Variants in CCDC110 observed in about 807,000 individuals in gnomAD.
CCDC110 encodes the protein coiled-coil domain-containing protein 110.
CCDC110 carries 70 observed loss-of-function variants against 77.1 expected under a neutral mutation model. That is an observed-to-expected ratio of 0.91 (90% confidence interval 0.75 to 1.11). The LOEUF (loss-of-function observed/expected upper bound fraction) is 1.11, where lower values mean the gene tolerates loss of function less well. CCDC110 is among the 50% of genes least tolerant of loss of function. The probability of loss-of-function intolerance (pLI) is 0.00; values close to 1 mark genes in which losing one functional copy is unlikely to be tolerated. For synonymous variants in CCDC110, 295 were observed against 312.5 expected (o/e 0.94, Z 0.59); for missense variants, 868 against 942.9 (o/e 0.92, Z 1.04).
intron 1 of CCDC110, chr4:185,471,377 A>AG (rs2095667293): frequency 2.0e-5 from 2 of 100,942 alleles, no homozygotes; most frequent in Non-Finnish European, 3.6e-5. Context: ...GATGGGGCGG[A>AG]GGGACGGCAT....
In CCDC110 at chr4:185,458,308, A is replaced by T. The variant is rs2095639279; in HGVS notation, c.2279T>A (p.Leu760Ter). The change falls in exon 6 of 7, where the codon TTG becomes TAG. Residue 760 changes from leucine to a stop codon, truncating the protein, a stop_gained. Coordinates refer to ENST00000307588, the MANE Select transcript of CCDC110 (RefSeq NM_152775.4). LOFTEE classifies it high-confidence loss of function. Reference protein sequence around the residue: ...VRSIENERDTLEFEMRHLQRE... With the variant: ...VRSIENERDT ...TTGAAGATGCCGCATCTCAAATTCC[A>T]AGGTATCCCTTTCATTTTCTATGCT... is the stretch of plus-strand genomic sequence containing the variant. 2 of 1,594,458 alleles carry T rather than the reference A, an allele frequency of 1.3e-6. No individual in the cohort carries two copies. The highest frequency in any genetic ancestry group is 1.7e-6 in the Non-Finnish European group (2 of 1,174,656).
chr4:185,445,375 T>A lies in CCDC110; in HGVS notation c.*127A>T. The A allele has an allele frequency of 1.2e-6, 1 of 813,830 alleles. No homozygotes were observed. The highest frequency in any genetic ancestry group is 2.0e-6 in the Non-Finnish European group (1 of 507,826). The allele number at this position is 813,830 out of a possible 1,614,324, so 50.4% of individuals were successfully genotyped here. A position where few individuals can be genotyped will look rare whatever the true frequency, so the allele number is the denominator to read the frequency against. On this transcript the variant is annotated 3_prime_UTR_variant, in exon 7 of 7. Transcript: ENST00000307588. ...GCACCAAACCATTCTGTGCATAATTTTTAAAGCAAATATATAGCGCCTCAT... is the reference window on the plus strand; with the variant it reads ...GCACCAAACCATTCTGTGCATAATTATTAAAGCAAATATATAGCGCCTCAT...
intron 6 of CCDC110, among the ~76,000 whole-genome samples, chr4:185,448,962 CTT>C (rs33915764): frequency 0.14 from 20,637 of 152,068 alleles, 1,938 homozygotes; most frequent in African/African-American, 0.27. Flanking sequence ...ATTGAAATCT[CTT>C]TCTTTTTATA....
chr4:185,462,577 T>C (rs2095648331), intron 4 of CCDC110, 66 bp downstream of exon 4: 2 of 1,225,342 alleles, frequency 1.6e-6, no homozygotes, highest in Admixed American at 1.7e-5. Context: ...CTAGTGACCA[T>C]CAGCTTAGAA....
Position 185,458,721 on chromosome 4 carries a change from C to A in CCDC110, c.1866G>T (p.Leu622Phe). The change falls in exon 6 of 7, where the codon TTG becomes TTT. Residue 622 changes from leucine (L) to phenylalanine (F), a missense_variant. Coordinates refer to ENST00000307588, the MANE Select transcript of CCDC110 (RefSeq NM_152775.4). ...EIIQLKEKER[L>F]AKTEQETLLQ... Reference sequence around the variant, plus strand: ...GAAGTGTCTCTTGTTCCGTTTTTGCCAATCTTTCTTTCTCTTTTAGCTGGA... The same window carrying A: ...GAAGTGTCTCTTGTTCCGTTTTTGCAAATCTTTCTTTCTCTTTTAGCTGGA... The A allele has an allele frequency of 6.2e-7, 1 of 1,603,686 alleles. No individual in the cohort carries two copies. Among genetic ancestry groups the A allele is most frequent in the Non-Finnish European group, 8.5e-7 (1 of 1,177,648 alleles).
Position 185,471,068 on chromosome 4 carries a change from G to GAC in CCDC110, c.11-20_11-19insGT. Reference sequence around the variant, plus strand: ...TGCTTTTCTGTAACAGAACCGTCCGGGGCTGTTCTGTCGCGGGTCGTGGCG... The same window carrying GAC: ...TGCTTTTCTGTAACAGAACCGTCCGGACGGCTGTTCTGTCGCGGGTCGTGGCG... On this transcript the variant is annotated intron_variant, in intron 1 of 6. Transcript: ENST00000307588. The GAC allele has an allele frequency of 1.3e-6, 2 of 1,503,038 alleles. No homozygotes were observed. The highest frequency in any genetic ancestry group is 2.2e-5 in the African/African-American group (1 of 46,476). 93.1% of individuals were successfully genotyped at this position (1,503,038 alleles called of 1,614,324 possible). A position where few individuals can be genotyped will look rare whatever the true frequency, so the allele number is the denominator to read the frequency against.
At position 185,458,125 on chromosome 4, in the gene CCDC110, C is replaced by T. The variant is rs781125209; in HGVS notation, c.2461+1G>A. On this transcript the variant is annotated splice_donor_variant, in intron 6 of 6. Coordinates refer to ENST00000307588, the MANE Select transcript of CCDC110 (RefSeq NM_152775.4). LOFTEE classifies it high-confidence loss of function. The stretch of plus-strand genomic sequence containing the variant: ...CTACTAATCTACCAGGACTTGCGTA[C>T]CTTTCAAATCCGAAGCCAAAGGCCT... 3 of 1,538,814 alleles carry T rather than the reference C, an allele frequency of 1.9e-6. No homozygotes were observed. The highest frequency in any genetic ancestry group is 2.6e-6 in the Non-Finnish European group (3 of 1,151,636).
At position 185,461,091 on chromosome 4, in the gene CCDC110, T is replaced by C; in HGVS notation, c.306A>G (p.Ser102=). The C allele has an allele frequency of 2.5e-6, 4 of 1,600,524 alleles. No homozygotes were observed. The highest frequency in any genetic ancestry group is 3.4e-6 in the Non-Finnish European group (4 of 1,172,594). Residue 102 remains serine, a synonymous_variant, in exon 5 of 7, where the codon TCA becomes TCG. Transcript: ENST00000307588. ...IIEVENPQFS[S]EKNLVFGTRI... ...GCGTGCCAAACACCAGATTTTTTTC[T>C]GAGCTAAATTGTGGGTTTTCTACTT... is the stretch of plus-strand genomic sequence containing the variant.
chr4:185,470,974 C>A lies in CCDC110; in HGVS notation c.86G>T (p.Gly29Val), dbSNP rs568885277. 7.4e-6 allele frequency: 12 copies of A among 1,610,988 alleles called. No homozygotes were observed. The highest frequency in any genetic ancestry group is 7.6e-6 in the Non-Finnish European group (9 of 1,179,338). Residue 29 changes from glycine to valine, a missense_variant, in exon 2 of 7, where the codon GGG (glycine) becomes GTG (valine). Physicochemically the swap from Gly to Val is moderately radical, Grantham distance 109. Coordinates refer to ENST00000307588, the MANE Select transcript of CCDC110 (RefSeq NM_152775.4). ...GTCACTGCAGCCACTTTCCTTCACC[C>A]CCTCCGAAGAATTTAGGATCTTGGA... The part of the protein sequence containing the change: ...SASKILNSSE[G>V]VKESGCSDTE...
At chr4:185,461,006 TGAAGTACCTACA>T (rs2095645196) in intron 5 of CCDC110, 31 bp downstream of exon 5, 10 of 995,594 alleles carry the variant, frequency 1.0e-5, no homozygotes, top group South Asian at 2.7e-5. Flanking sequence ...AGTCACGTTT[TGAAGTACCTACA>T]TATAGAAATG....
chr4:185,471,628 C>A (rs1455775760), intron 1 of CCDC110, 46 bp downstream of exon 1: 2 of 1,550,022 alleles, frequency 1.3e-6, no homozygotes, highest in Non-Finnish European at 1.7e-6. Context: ...CTGCTGCCCT[C>A]CGTTCCCGCG....
rs752750432 is a variant in CCDC110 at position 185,459,546 on chromosome 4, T to G, written c.1041A>C (p.Glu347Asp). Residue 347 changes from glutamate to aspartate, a missense_variant, in exon 6 of 7, where the codon GAA becomes GAC. Glu to Asp is a conservative substitution (Grantham distance 45). Transcript: ENST00000307588. ...CRKCKKLSKS[E>D]MHRGKKNEKN... ...TCTCATTTTTCTTTCCCCTGTGCATTTCACTCTTAGATAACTTTTTACATT... is the reference window on the plus strand; with the variant it reads ...TCTCATTTTTCTTTCCCCTGTGCATGTCACTCTTAGATAACTTTTTACATT... 15 of 1,613,050 alleles carry G rather than the reference T, an allele frequency of 9.3e-6. No homozygotes were observed. The highest frequency in any genetic ancestry group is 1.2e-5 in the Non-Finnish European group (14 of 1,179,532).
At chr4:185,457,712 T>C (rs1474729478) in intron 6 of CCDC110, 1 of 1,151,906 alleles carries the variant, frequency 8.7e-7, no homozygotes, top group Non-Finnish European at 1.2e-6. Flanking sequence ...TAAAATTATT[T>C]TGTGGGGGGA....
At chr4:185,452,015 T>C (rs1448169284) in intron 6 of CCDC110, among the ~76,000 whole-genome samples, 1 of 152,174 alleles carries the variant, frequency 6.6e-6, no homozygotes, top group Admixed American at 6.5e-5. Flanking sequence ...TAGTGAAATA[T>C]GTAAAACAAT....
In CCDC110 at chr4:185,459,092, C is replaced by A; in HGVS notation, c.1495G>T (p.Glu499Ter). The change falls in exon 6 of 7, where the codon GAA (glutamate) becomes TAA (stop). Residue 499 changes from glutamate (E) to a stop codon, truncating the protein, a stop_gained. Transcript: ENST00000307588. LOFTEE classifies it high-confidence loss of function. ...TIQSKLSKTE[E>*]YSKECLKEFK... is the part of the protein sequence containing the mutation. Reference sequence around the variant, plus strand: ...TCTTTAAGACACTCTTTGCTGTATTCTTCTGTTTTACTTAACTTAGACTGA... The same window carrying A: ...TCTTTAAGACACTCTTTGCTGTATTATTCTGTTTTACTTAACTTAGACTGA... 1 of 1,584,320 alleles carries A rather than the reference C, an allele frequency of 6.3e-7. No individual in the cohort carries two copies.
chr4:185,458,699 G>T lies in CCDC110; in HGVS notation c.1888C>A (p.Leu630Ile). ...TTAACTGTTTCTATTATTTGAAGAA[G>T]TGTCTCTTGTTCCGTTTTTGCCAAT... Reference protein sequence around the residue: ...ERLAKTEQETLLQIIETVKDE... With the variant: ...ERLAKTEQETILQIIETVKDE... The change falls in exon 6 of 7, where the codon CTT (leucine) becomes ATT (isoleucine). Residue 630 changes from leucine (L) to isoleucine (I), a missense_variant. Coordinates refer to ENST00000307588, the MANE Select transcript of CCDC110 (RefSeq NM_152775.4). 6.2e-7 allele frequency: 1 copy of T among 1,604,094 alleles called. No homozygotes were observed. Among genetic ancestry groups the T allele is most frequent in the Non-Finnish European group, 8.5e-7 (1 of 1,177,858 alleles).
chr4:185,461,833 C>G (rs1336115775), intron 4 of CCDC110, among the ~76,000 whole-genome samples: 1 of 152,128 alleles, frequency 6.6e-6, no homozygotes, highest in Non-Finnish European at 1.5e-5. Context: ...TGCGGTGGCT[C>G]ACGCCTGTAA....
chr4:185,457,831 A>G, intron 6 of CCDC110: 1 of 1,369,252 alleles, frequency 7.3e-7, no homozygotes. Flanking sequence ...GAAAAAAAAA[A>G]GAATTCTTTT....
chr4:185,455,713 T>C (rs927121823), intron 6 of CCDC110, among the ~76,000 whole-genome samples: 1 of 152,030 alleles, frequency 6.6e-6, no homozygotes, highest in Non-Finnish European at 1.5e-5. Context: ...TGAAACCCCG[T>C]CTTTACTAAA....
Sources: gnomAD v4.1 joint callset for allele counts (sites outside exome capture counted in the v4.1 genomes callset) on GRCh38, gnomAD v4.1.1 for gene constraint, MANE v1.5 for transcripts, NCBI Gene and HGNC (gene_info 2026-07-23, HGNC 2026-07-21) for gene names.